EEA1: variants seen among roughly 807,000 people sequenced by gnomAD.
EEA1 encodes the protein early endosome antigen 1, 162kD.
Under a neutral mutation model 209.2 loss-of-function variants are expected in EEA1, and 111 were observed. The observed-to-expected ratio is 0.53, with a 90% CI of 0.45 to 0.62. The LOEUF is 0.62. Among genes scored for constraint, EEA1 ranks in the 20% least tolerant of loss-of-function variants. The pLI is 0.00. For synonymous variants in EEA1, 536 were observed against 540.6 expected, an observed-to-expected ratio of 0.99 and a Z score of 0.12; for missense variants, 1,343 against 1,530.8, an observed-to-expected ratio of 0.88 and a Z score of 2.05.
Position 92,849,996 on chromosome 12 carries a change from T to C in EEA1, c.798+1115A>G, listed in dbSNP as rs143303135. Among the ~76,000 whole-genome samples the C allele has an allele frequency of 7.9e-3, 1,210 of 152,340 alleles. 25 individuals carry two copies. The highest frequency in any genetic ancestry group is 0.027 in the African/African-American group (1,113 of 41,566). ...AGGCTAGGATTTTTAAGCACATTTA[T>C]GTATTATACATCTTAGAGTTTATTA... On this transcript the variant is annotated intron_variant, in intron 9 of 28. Coordinates refer to ENST00000322349, the MANE Select transcript of EEA1 (RefSeq NM_003566.4).
chr12:92,853,235 T>A (rs1877715697), intron 6 of EEA1, among the ~76,000 whole-genome samples: 1 of 152,246 alleles, frequency 6.6e-6, no homozygotes, highest in African/African-American at 2.4e-5. Flanking sequence ...ATGAAATGAA[T>A]ATTTAGAATC....
chr12:92,825,455 G>A (rs913322648), intron 13 of EEA1, among the ~76,000 whole-genome samples: 17 of 135,396 alleles, frequency 1.3e-4, no homozygotes, highest in Non-Finnish European at 2.0e-4. Flanking sequence ...GCAACACTCC[G>A]TCTCAAAAAA....
intron 1 of EEA1, among the ~76,000 whole-genome samples, chr12:92,924,206 T>TTG (rs1195173272): frequency 6.7e-6 from 1 of 148,806 alleles, no homozygotes; most frequent in Non-Finnish European, 1.5e-5. Flanking sequence ...TAAGACTTTT[T>TTG]TTTTTTTTTT....
intron 2 of EEA1, among the ~76,000 whole-genome samples, chr12:92,873,756 A>C (rs760296804): frequency 7.9e-5 from 12 of 152,176 alleles, no homozygotes; most frequent in Non-Finnish European, 1.5e-4. Flanking sequence ...AATAACAATA[A>C]CACCTACTTC....
intron 11 of EEA1, among the ~76,000 whole-genome samples, chr12:92,830,723 A>C (rs2136691376): frequency 6.6e-6 from 1 of 152,364 alleles, no homozygotes; most frequent in Non-Finnish European, 1.5e-5. Context: ...AGGTGAGCCA[A>C]CAAGATCACT....
At position 92,832,779 on chromosome 12, in the gene EEA1, A is replaced by G. The variant is rs1357117475; in HGVS notation, c.987T>C (p.Ser329=). 1.2e-6 allele frequency: 2 copies of G among 1,613,738 alleles called. No homozygotes were observed. The highest frequency in any genetic ancestry group is 1.3e-5 in the African/African-American group (1 of 74,902). ...TTGCCTGAATATTCTTTTTACTCAC[A>G]GATTCTTCATTATGTTTCTCCTCTA... ...TKLEEKHNEE[S]VSKKNIQATL... The change falls in exon 11 of 29, where the codon TCT becomes TCC. Residue 329 remains serine (S), a synonymous_variant. Transcript: ENST00000322349.
chr12:92,777,183 G>A (rs1873690494), intron 27 of EEA1, among the ~76,000 whole-genome samples: 1 of 151,802 alleles, frequency 6.6e-6, no homozygotes, highest in South Asian at 2.1e-4. Flanking sequence ...AACCTTTGCT[G>A]ATTTCCAATC....
chr12:92,780,734 T>C (rs1241567166), intron 23 of EEA1, among the ~76,000 whole-genome samples: 3 of 152,222 alleles, frequency 2.0e-5, no homozygotes, highest in Non-Finnish European at 4.4e-5. Context: ...ATATAAGGTA[T>C]CTAGTTAGGA....
chr12:92,814,554 AAGTAATTGCTCCACTAGTTTGC>A (rs1348678243), intron 15 of EEA1, among the ~76,000 whole-genome samples: 1 of 142,664 alleles, frequency 7.0e-6, no homozygotes, highest in Non-Finnish European at 1.5e-5. Context: ...GGGGGAAATT[AAGTAATTGCTCCACTAGTTTGC>A]CTTATTTTAG....
At chr12:92,785,022 TTTC>T (rs1342153094) in intron 22 of EEA1, among the ~76,000 whole-genome samples, 1 of 43,766 alleles carries the variant, frequency 2.3e-5, no homozygotes, top group Non-Finnish European at 5.0e-5. Context: ...TTTCCCATAC[TTTC>T]TTAAAAAAAA....
intron 3 of EEA1, among the ~76,000 whole-genome samples, chr12:92,862,439 A>C (rs1371806395): frequency 2.0e-5 from 3 of 152,158 alleles, no homozygotes; most frequent in African/African-American, 7.2e-5. Context: ...AGAAAAAAAA[A>C]GTAAAAATTA....
intron 21 of EEA1, 124 bp downstream of exon 21, chr12:92,798,768 T>C: frequency 1.6e-6 from 1 of 621,402 alleles, no homozygotes; most frequent in Non-Finnish European, 2.5e-6. Context: ...ATATTAAACT[T>C]AGAAAAAAAT....
At chr12:92,856,946 AT>A (rs1877910020) in intron 5 of EEA1, among the ~76,000 whole-genome samples, 1 of 151,384 alleles carries the variant, frequency 6.6e-6, no homozygotes, top group Non-Finnish European at 1.5e-5. Context: ...TAATTTTTAA[AT>A]TTTTTGTAGA....
intron 18 of EEA1, among the ~76,000 whole-genome samples, chr12:92,805,325 A>T (rs373886310): frequency 8.5e-5 from 13 of 152,286 alleles, no homozygotes; most frequent in African/African-American, 3.1e-4. Context: ...AATTTACTAG[A>T]TATGAAAATG....
At chr12:92,818,665 CTTTG>C (rs1875908813) in intron 14 of EEA1, among the ~76,000 whole-genome samples, 1 of 152,048 alleles carries the variant, frequency 6.6e-6, no homozygotes, top group Non-Finnish European at 1.5e-5. Context: ...CTTTCTGATA[CTTTG>C]TTTTAAATAT....
intron 1 of EEA1, among the ~76,000 whole-genome samples, chr12:92,916,594 A>C (rs1880769756): frequency 9.5e-6 from 1 of 104,728 alleles, no homozygotes; most frequent in South Asian, 2.3e-4. Context: ...CGGAGGTTGC[A>C]GTGAGCCATC....
intron 2 of EEA1, among the ~76,000 whole-genome samples, chr12:92,868,819 T>C (rs1878509809): frequency 6.7e-6 from 1 of 150,056 alleles, no homozygotes; most frequent in South Asian, 2.2e-4. Context: ...CTTTGTCTAA[T>C]ACCTCCAAGA....
At chr12:92,851,296 T>G in intron 8 of EEA1, 30 bp from the exon 9 acceptor site, 1 of 1,586,208 alleles carries the variant, frequency 6.3e-7, no homozygotes, top group Non-Finnish European at 8.5e-7. Flanking sequence ...AATTAAAAAT[T>G]AAAGTGAAAA....
intron 2 of EEA1, among the ~76,000 whole-genome samples, chr12:92,875,415 G>A (rs1184306132): frequency 3.3e-5 from 5 of 152,110 alleles, no homozygotes. Context: ...CAGACTGGGC[G>A]ACAGAGTGAT....
Sources: gnomAD v4.1 joint callset for allele counts (sites outside exome capture counted in the v4.1 genomes callset) on GRCh38, gnomAD v4.1.1 for gene constraint, MANE v1.5 for transcripts, NCBI Gene and HGNC (gene_info 2026-07-23, HGNC 2026-07-21) for gene names.